Variants in ANXA4 observed in about 807,000 individuals in gnomAD.
ANXA4 encodes the protein annexin A4, also known as 35-beta calcimedin.
In ANXA4, 39 loss-of-function variants were observed where a neutral mutation model predicts 49.8. The observed-to-expected ratio is 0.78, with a 90% CI of 0.61 to 1.02. The LOEUF (loss-of-function observed/expected upper bound fraction) is 1.02, where lower values mean the gene tolerates loss of function less well. Ranked by LOEUF, ANXA4 falls within the 50% of genes least tolerant of loss-of-function variation. The pLI is 0.00. For missense variants in ANXA4, 360 were observed against 410.1 expected (o/e 0.88, Z 1.05); for synonymous variants, 134 against 152.5 (o/e 0.88, Z 0.89).
chr2:69,781,455 T>C, intron 1 of ANXA4, 65 bp from the exon 2 acceptor site: 3 of 1,362,196 alleles, frequency 2.2e-6, no homozygotes, highest in Non-Finnish European at 3.1e-6. Flanking sequence ...CTGCAAGTTA[T>C]CCTGATTAAT....
chr2:69,655,302 ATC>A (rs1188333331), intron 2 of ANXA4, among the ~76,000 whole-genome samples: 1 of 152,230 alleles, frequency 6.6e-6, no homozygotes, highest in Non-Finnish European at 1.5e-5. Flanking sequence ...AATACCCAGA[ATC>A]TGCAAGGAAC....
At chr2:69,682,145 C>A (rs1026114350) in intron 2 of ANXA4, among the ~76,000 whole-genome samples, 1 of 152,104 alleles carries the variant, frequency 6.6e-6, no homozygotes, top group African/African-American at 2.4e-5. Context: ...AGCCACCATG[C>A]CTGGCCCGTT....
intron 2 of ANXA4, among the ~76,000 whole-genome samples, chr2:69,699,874 G>A (rs1368686749): frequency 2.6e-5 from 4 of 152,176 alleles, no homozygotes; most frequent in African/African-American, 9.7e-5. Flanking sequence ...CAGATGCAAG[G>A]AGTACTATAA....
intron 2 of ANXA4, among the ~76,000 whole-genome samples, chr2:69,709,364 C>T (rs1415476970): frequency 1.3e-5 from 2 of 152,186 alleles, no homozygotes; most frequent in African/African-American, 4.8e-5. Flanking sequence ...TTCCTCTTTC[C>T]ATTCCCACCT....
At chr2:69,671,687 C>T (rs1405633734) in intron 2 of ANXA4, among the ~76,000 whole-genome samples, 1 of 152,178 alleles carries the variant, frequency 6.6e-6, no homozygotes, top group Non-Finnish European at 1.5e-5. Flanking sequence ...TGCGCCACTG[C>T]ACTCCTGCCT....
chr2:69,652,557 A>G (rs1240741641), intron 1 of ANXA4, among the ~76,000 whole-genome samples: 1 of 152,152 alleles, frequency 6.6e-6, no homozygotes, highest in Non-Finnish European at 1.5e-5. Context: ...TGGAATGGGC[A>G]CATTAAAGAA....
At chr2:69,718,615 G>A (rs1669715680) in intron 2 of ANXA4, among the ~76,000 whole-genome samples, 1 of 152,116 alleles carries the variant, frequency 6.6e-6, no homozygotes, top group Admixed American at 6.5e-5. Flanking sequence ...CTTGTGCTTT[G>A]GGGTTTCCTT....
At chr2:69,697,513 C>T (rs1366696649) in intron 2 of ANXA4, among the ~76,000 whole-genome samples, 1 of 152,166 alleles carries the variant, frequency 6.6e-6, no homozygotes, top group African/African-American at 2.4e-5. Flanking sequence ...TAATTTCCTT[C>T]AAGAATTTTT....
rs376821936 is a variant in ANXA4, at chr2:69,681,874, T to C, written n.766+28592T>C. The stretch of plus-strand genomic sequence containing the variant: ...TCCTTTGAGTCAGGGTCTTGCTCTG[T>C]TGCCCAGGCTGGAGTACAATGGCTC... On this transcript the variant is annotated intron_variant and non_coding_transcript_variant, in intron 2 of 3. Transcript: ENST00000418066. 1.9e-3 allele frequency among the ~76,000 whole-genome samples: 284 copies of C among 152,224 alleles called. No individual in the cohort carries two copies. The Middle Eastern group carries it at 0.037, about 20-fold the overall frequency.
intron 3 of ANXA4, among the ~76,000 whole-genome samples, chr2:69,729,053 G>A (rs550741716): frequency 7.9e-5 from 12 of 152,080 alleles, no homozygotes; most frequent in Admixed American, 2.6e-4. Context: ...CTGCTCTGTC[G>A]CCCAGGCTGG....
intron 2 of ANXA4, among the ~76,000 whole-genome samples, chr2:69,693,783 A>T (rs916668722): frequency 1.3e-5 from 2 of 152,124 alleles, no homozygotes; most frequent in African/African-American, 4.8e-5. Context: ...GGGGAACAAT[A>T]TTTGCAGGGC....
In ANXA4 at chr2:69,798,531, A is replaced by G. The variant is rs1000366075; in HGVS notation, c.98-6002A>G. Among the ~76,000 whole-genome samples the G allele has an allele frequency of 5.3e-5, 8 of 152,350 alleles. No homozygotes were observed. In the South Asian group the frequency reaches 8.3e-4, roughly 16 times the overall value. On this transcript the variant is annotated intron_variant, in intron 3 of 12. Transcript: ENST00000394295. ...CTGGCCAGAAATTCTCAGTTGCTCC[A>G]GGACCTATTCCAGCCCCATACAACA...
chr2:69,644,945 A>G (rs962316496), intron 1 of ANXA4: 10 of 152,198 alleles, frequency 6.6e-5, no homozygotes, highest in Non-Finnish European at 1.3e-4. Context: ...TTCCTGATGG[A>G]TGATGCTGAA....
intron 3 of ANXA4, among the ~76,000 whole-genome samples, chr2:69,728,877 A>T (rs1670028657): frequency 6.6e-6 from 1 of 152,192 alleles, no homozygotes; most frequent in Non-Finnish European, 1.5e-5. Context: ...TAGGTTTGTC[A>T]GTTTCTATAT....
rs371414676 is a variant in ANXA4, at chr2:69,653,748, T to G, written n.766+466T>G. ...CCAGGCACCAGTCCTTAGCCATGCC[T>G]CCTTGTGAAGTTTTAAAATATGATG... is the stretch of plus-strand genomic sequence containing the variant. On this transcript the variant is annotated intron_variant and non_coding_transcript_variant, in intron 2 of 3. Coordinates refer to the ANXA4 transcript ENST00000418066. Among the ~76,000 whole-genome samples, 12 of 152,344 alleles carry G rather than the reference T, an allele frequency of 7.9e-5. 1 individual carries two copies. The South Asian group carries it at 2.3e-3, about 29-fold the overall frequency.
At chr2:69,800,824 C>T (rs1443968549) in intron 3 of ANXA4, among the ~76,000 whole-genome samples, 1 of 152,024 alleles carries the variant, frequency 6.6e-6, no homozygotes, top group Non-Finnish European at 1.5e-5. Context: ...GTCTCACGGC[C>T]ACAGATATCA....
chr2:69,802,699 G>A (rs1380415034), intron 3 of ANXA4, among the ~76,000 whole-genome samples: 1 of 130,180 alleles, frequency 7.7e-6, no homozygotes, highest in Non-Finnish European at 1.5e-5. Context: ...CACAGAGCAA[G>A]ACTCTGTCTC....
chr2:69,718,099 C>T (rs988926329), intron 2 of ANXA4, among the ~76,000 whole-genome samples: 3 of 152,158 alleles, frequency 2.0e-5, no homozygotes, highest in African/African-American at 7.2e-5. Context: ...AGAGCCCTCT[C>T]TCACCATGGG....
At chr2:69,674,786 TA>T (rs1677330958) in intron 2 of ANXA4, among the ~76,000 whole-genome samples, 1 of 152,172 alleles carries the variant, frequency 6.6e-6, no homozygotes, top group Admixed American at 6.5e-5. Flanking sequence ...TCTAAATTAT[TA>T]ACCTGTGACT....
Sources: gnomAD v4.1 joint callset for allele counts (sites outside exome capture counted in the v4.1 genomes callset) on GRCh38, gnomAD v4.1.1 for gene constraint, MANE v1.5 for transcripts, NCBI Gene and HGNC (gene_info 2026-07-23, HGNC 2026-07-21) for gene names.